TNRC6C: variants seen among roughly 807,000 people sequenced by gnomAD.
TNRC6C encodes the protein trinucleotide repeat-containing gene 6C protein.
Under a neutral mutation model 153.7 loss-of-function variants are expected in TNRC6C, and 20 were observed. The observed-to-expected ratio is 0.13, with a 90% CI of 0.09 to 0.19. The LOEUF (loss-of-function observed/expected upper bound fraction) is 0.19. Ranked by LOEUF, TNRC6C falls within the 10% of genes least tolerant of loss-of-function variation. TNRC6C has a pLI of 1.00. For missense variants in TNRC6C, 1,987 were observed against 2,172.0 expected (o/e 0.91, Z 1.69); for synonymous variants, 811 against 841.4 (o/e 0.96, Z 0.63).
At chr17:78,052,114 A>G (rs2072549255) in intron 3 of TNRC6C, among the ~76,000 whole-genome samples, 1 of 152,232 alleles carries the variant, frequency 6.6e-6, no homozygotes, top group Non-Finnish European at 1.5e-5. Flanking sequence ...TGAAGCAAGG[A>G]GCAGGAAAGA....
intron 3 of TNRC6C, among the ~76,000 whole-genome samples, chr17:78,056,050 A>G (rs1299393324): frequency 1.3e-5 from 2 of 151,936 alleles, no homozygotes; most frequent in African/African-American, 2.4e-5. Flanking sequence ...GAGTCTTGCT[A>G]TGTTGCCCAG....
intron 2 of TNRC6C, among the ~76,000 whole-genome samples, chr17:78,045,983 G>A (rs1021702735): frequency 2.0e-5 from 3 of 151,758 alleles, no homozygotes; most frequent in Admixed American, 2.0e-4. Context: ...CCCCCAGAGG[G>A]AACCACAATT....
intron 1 of TNRC6C, among the ~76,000 whole-genome samples, chr17:77,972,935 C>T (rs186249392): frequency 4.6e-5 from 7 of 152,212 alleles, no homozygotes; most frequent in Admixed American, 2.6e-4. Flanking sequence ...GACAGAGTCT[C>T]GCAACTCTCT....
rs2072081632 is a variant in TNRC6C, at chr17:78,031,850, C to CCA, written c.-219+11_-219+12dup. 1 of 1,232,056 alleles carries CCA rather than the reference C, an allele frequency of 8.1e-7. No homozygotes were observed. The highest frequency in any genetic ancestry group is 1.0e-6 in the Non-Finnish European group (1 of 988,006). The allele number at this position is 1,232,056 out of a possible 1,614,324, so 76.3% of individuals were successfully genotyped here. Reference sequence around the variant, plus strand: ...CCAGTAAGCTCCAACCAGGTAAAAACCACATAGGATGAGACATTGTTTTGA... The same window carrying CCA: ...CCAGTAAGCTCCAACCAGGTAAAAACCACACATAGGATGAGACATTGTTTTGA... On this transcript the variant is annotated intron_variant, in intron 2 of 19. Transcript: ENST00000301624.
intron 1 of TNRC6C, among the ~76,000 whole-genome samples, chr17:77,979,786 T>A (rs1163223376): frequency 6.6e-6 from 1 of 150,930 alleles, no homozygotes; most frequent in Non-Finnish European, 1.5e-5. Context: ...AGAGGAAAAA[T>A]TGCCAAAACA....
chr17:77,981,742 T>C (rs2071080695), intron 1 of TNRC6C, among the ~76,000 whole-genome samples: 1 of 152,208 alleles, frequency 6.6e-6, no homozygotes, highest in Non-Finnish European at 1.5e-5. Context: ...TAGTAAATAA[T>C]GTTTTATTGG....
intron 1 of TNRC6C, among the ~76,000 whole-genome samples, chr17:77,969,156 G>A (rs1462680837): frequency 1.3e-5 from 2 of 152,156 alleles, no homozygotes; most frequent in African/African-American, 4.8e-5. Flanking sequence ...GCACTCTGAA[G>A]AAGCCAGGTC....
intron 1 of TNRC6C, among the ~76,000 whole-genome samples, chr17:78,015,076 A>C (rs1466581032): frequency 6.6e-6 from 1 of 152,208 alleles, no homozygotes; most frequent in Non-Finnish European, 1.5e-5. Context: ...ACAATCTTAT[A>C]TTTGAGTAAA....
chr17:78,097,639 G>A (rs1337230425), intron 16 of TNRC6C, 106 bp from the exon 19 acceptor site: 7 of 697,014 alleles, frequency 1.0e-5, no homozygotes, highest in Non-Finnish European at 1.4e-5. Context: ...ATTAAAAATG[G>A]CAGCCTAGGG....
rs749200979 is a variant in TNRC6C, at chr17:78,079,345, G to A, written c.3211-50G>A. ...TCATTTCACCCTACCTCCAAACAAT[G>A]TTACTCTAATGCCTGCCTTGGTAAC... On this transcript the variant is annotated intron_variant, in intron 9 of 19. Transcript: ENST00000301624. This position sits in a 1 kb window ranked among gnomAD's most constrained non-coding sequence, Gnocchi z 4.3. The A allele has an allele frequency of 1.0e-5, 16 of 1,599,380 alleles. No individual in the cohort carries two copies. Among genetic ancestry groups the A allele is most frequent in the South Asian group, 4.4e-5 (4 of 90,540 alleles).
chr17:77,959,029 G>T (rs1053172252), upstream of TNRC6C, among the ~76,000 whole-genome samples: 1 of 144,658 alleles, frequency 6.9e-6, no homozygotes, highest in African/African-American at 2.5e-5. Context: ...ACGCGTCGCG[G>T]CGTTGCCGGG....
upstream of TNRC6C, among the ~76,000 whole-genome samples, chr17:78,003,283 G>T (rs1333148310): frequency 1.3e-5 from 2 of 152,142 alleles, no homozygotes; most frequent in African/African-American, 2.4e-5. Flanking sequence ...ACAACCAAGG[G>T]TTACTACAGA....
rs1213742381 is a variant in TNRC6C at position 78,079,822 on chromosome 17, G to A, written c.3357+281G>A. ...CCTGGTCAGAAGCAATATTGAGGGG[G>A]AAGGACCTGCCCAACACACTCCCAT... On this transcript the variant is annotated intron_variant, in intron 10 of 19. Coordinates refer to ENST00000301624, the Ensembl canonical transcript of TNRC6C. This position sits in a 1 kb window ranked among gnomAD's most constrained non-coding sequence, Gnocchi z 4.3. Among the ~76,000 whole-genome samples, 3 of 152,130 alleles carry A rather than the reference G, an allele frequency of 2.0e-5. No individual in the cohort carries two copies. Among genetic ancestry groups the A allele is most frequent in the African/African-American group, 7.2e-5 (3 of 41,424 alleles).
chr17:78,103,098 C>T (rs1305362089), intron 18 of TNRC6C, among the ~76,000 whole-genome samples: 1 of 152,186 alleles, frequency 6.6e-6, no homozygotes, highest in Non-Finnish European at 1.5e-5. Flanking sequence ...GCAGCTGGAC[C>T]CAGGTGCCTT....
At chr17:78,057,523 T>A (rs2072682649) in intron 3 of TNRC6C, among the ~76,000 whole-genome samples, 1 of 152,226 alleles carries the variant, frequency 6.6e-6, no homozygotes, top group Non-Finnish European at 1.5e-5. Context: ...GCAGTCAGGG[T>A]CAGCAAGGGC....
At chr17:78,038,372 T>C (rs1332406916) in intron 2 of TNRC6C, among the ~76,000 whole-genome samples, 1 of 151,954 alleles carries the variant, frequency 6.6e-6, no homozygotes, top group African/African-American at 2.4e-5. Flanking sequence ...GTCCTAAGTA[T>C]GTTGAAAGTA....
At chr17:78,064,619 A>G in intron 3 of TNRC6C, 103 bp from the exon 6 acceptor site, 1 of 1,110,672 alleles carries the variant, frequency 9.0e-7, no homozygotes, top group Non-Finnish European at 1.3e-6. Context: ...TATTCTAAGG[A>G]TAGATTATCT....
intron 1 of TNRC6C, among the ~76,000 whole-genome samples, chr17:78,026,826 A>G (rs2071950677): frequency 6.6e-6 from 1 of 152,210 alleles, no homozygotes; most frequent in African/African-American, 2.4e-5. Flanking sequence ...GAGGGTGCCC[A>G]GGTTCCAATG....
At chr17:78,102,786 G>A in intron 18 of TNRC6C, 1 of 505,870 alleles carries the variant, frequency 2.0e-6, no homozygotes, top group South Asian at 2.7e-5. Context: ...CCCCACCAGA[G>A]GCTGGAAAAG....
Sources: gnomAD v4.1 joint callset for allele counts (sites outside exome capture counted in the v4.1 genomes callset) on GRCh38, gnomAD v4.1.1 for gene constraint, Gnocchi (gnomAD v3.1) non-coding constraint, MANE v1.5 for transcripts, NCBI Gene and HGNC (gene_info 2026-07-23, HGNC 2026-07-21) for gene names.